Variants in HMGCLL1 observed in about 807,000 individuals in gnomAD.
The protein encoded by HMGCLL1 is 3-hydroxymethyl-3-methylglutaryl-CoA lyase, cytoplasmic.
In HMGCLL1, 36 loss-of-function variants were observed where a neutral mutation model predicts 39.1. The ratio of observed to expected loss-of-function variants is 0.92; its 90% confidence interval spans 0.71 to 1.22. The LOEUF is 1.22. Ranked by LOEUF, HMGCLL1 falls within the 50% of genes most tolerant of loss-of-function variation. The pLI is 0.00. For missense variants in HMGCLL1, 451 were observed against 416.5 expected (o/e 1.08, Z -0.72); for synonymous variants, 149 against 144.0 (o/e 1.03, Z -0.25).
At chr6:55,563,922 G>A in intron 1 of HMGCLL1, 1 of 1,254,018 alleles carries the variant, frequency 8.0e-7, no homozygotes, top group South Asian at 1.2e-5. Context: ...CTCCTTTGGA[G>A]AGGAGGAATG....
chr6:55,609,647 G>A, the HMGCLL1 span, among the ~76,000 whole-genome samples: 1 of 152,224 alleles, frequency 6.6e-6, no homozygotes, highest in South Asian at 2.1e-4. Flanking sequence ...TTCCCCCCAG[G>A]GCAGCACAAC....
At chr6:55,477,241 TTATATAATATATAA>T (rs1765394106) in intron 7 of HMGCLL1, among the ~76,000 whole-genome samples, 1 of 18,288 alleles carries the variant, frequency 5.5e-5, no homozygotes, top group Non-Finnish European at 7.5e-5. Context: ...TATATTATAT[TTATATAATATATAA>T]TATATATTAT....
intron 7 of HMGCLL1, among the ~76,000 whole-genome samples, chr6:55,477,579 T>C (rs901057451): frequency 4.4e-5 from 6 of 136,344 alleles, no homozygotes; most frequent in African/African-American, 1.7e-4. Flanking sequence ...AAAAATTGAA[T>C]AGTAAAAAGT....
chr6:55,492,621 A>T (rs9475317), intron 7 of HMGCLL1, among the ~76,000 whole-genome samples: 2,179 of 152,350 alleles, frequency 0.014, 46 homozygotes, highest in African/African-American at 0.047. Context: ...CGGAAAAGAC[A>T]GAAAGCTCTA....
At chr6:55,586,431 C>T in the HMGCLL1 span, among the ~76,000 whole-genome samples, 2 of 151,548 alleles carry the variant, frequency 1.3e-5, no homozygotes, top group Non-Finnish European at 2.9e-5. Context: ...TTTTAAGGTA[C>T]ATGTGCACAA....
chr6:55,540,898 C>G (rs1181234303), intron 3 of HMGCLL1, among the ~76,000 whole-genome samples: 1 of 152,058 alleles, frequency 6.6e-6, no homozygotes, highest in East Asian at 1.9e-4. Flanking sequence ...AAAACAGAAT[C>G]TTAGGGGAAC....
At chr6:55,471,348 T>G (rs1323469517) in intron 7 of HMGCLL1, among the ~76,000 whole-genome samples, 2 of 151,762 alleles carry the variant, frequency 1.3e-5, no homozygotes, top group Non-Finnish European at 2.9e-5. Context: ...TGTTTCAGTT[T>G]TTATCATTAT....
At chr6:55,634,854 A>G in the HMGCLL1 span, among the ~76,000 whole-genome samples, 1 of 152,136 alleles carries the variant, frequency 6.6e-6, no homozygotes, top group African/African-American at 2.4e-5. Flanking sequence ...ACACTGCTTA[A>G]TGTGAGGATG....
intron 5 of HMGCLL1, among the ~76,000 whole-genome samples, chr6:55,502,034 T>G (rs1054275963): frequency 3.3e-5 from 5 of 151,856 alleles, no homozygotes; most frequent in African/African-American, 1.2e-4. Flanking sequence ...TATTCCTTAT[T>G]TCTGGTTCAA....
At chr6:55,535,663 A>G (rs566495497) in intron 3 of HMGCLL1, among the ~76,000 whole-genome samples, 10 of 152,286 alleles carry the variant, frequency 6.6e-5, no homozygotes, top group African/African-American at 2.2e-4. Flanking sequence ...AAGGACTCCT[A>G]TAGCACCAGG....
the HMGCLL1 span, among the ~76,000 whole-genome samples, chr6:55,668,979 C>T: frequency 6.6e-6 from 1 of 151,436 alleles, no homozygotes; most frequent in Non-Finnish European, 1.5e-5. Context: ...TTCTTTTTTC[C>T]TCTTCTCCCT....
chr6:55,531,742 C>T (rs1375695097), intron 3 of HMGCLL1, among the ~76,000 whole-genome samples: 6 of 152,094 alleles, frequency 3.9e-5, no homozygotes, highest in African/African-American at 1.2e-4. Context: ...CTGAGATCCA[C>T]CTCCGGTCAG....
intron 7 of HMGCLL1, among the ~76,000 whole-genome samples, chr6:55,491,055 T>A (rs1766285481): frequency 6.6e-6 from 1 of 152,152 alleles, no homozygotes; most frequent in South Asian, 2.1e-4. Context: ...TATCAAGGCA[T>A]CATTCTAGAA....
rs191593919 is a variant in HMGCLL1, at chr6:55,502,974, G to A, written c.543-3675C>T. The stretch of plus-strand genomic sequence containing the variant: ...AGATTGTTCTGTTACCTTCTGTTCT[G>A]CTAAAGTTTTTTTCGTTGTCTCCTG... On this transcript the variant is annotated intron_variant, in intron 5 of 8. Coordinates refer to ENST00000274901, the MANE Select transcript of HMGCLL1 (RefSeq NM_001042406.2). Among the ~76,000 whole-genome samples, 88 of 11,574 alleles carry A rather than the reference G, an allele frequency of 7.6e-3. 1 individual carries two copies. In the East Asian group the frequency reaches 0.23, roughly 30 times the overall value. 7.6% of individuals were successfully genotyped at this position (11,574 alleles called of 152,430 possible).
chr6:55,542,734 G>C (rs541876134), intron 1 of HMGCLL1, among the ~76,000 whole-genome samples: 2 of 149,270 alleles, frequency 1.3e-5, no homozygotes. Context: ...AGCTGAGATC[G>C]TGCCATTGCA....
chr6:55,620,939 G>A, the HMGCLL1 span, among the ~76,000 whole-genome samples: 1 of 151,840 alleles, frequency 6.6e-6, no homozygotes, highest in African/African-American at 2.4e-5. Flanking sequence ...CTATAGATGT[G>A]TAAGTTTATC....
chr6:55,460,964 A>G (rs1286982547), intron 7 of HMGCLL1, among the ~76,000 whole-genome samples: 2 of 152,034 alleles, frequency 1.3e-5, no homozygotes, highest in African/African-American at 4.8e-5. Flanking sequence ...CATATAAAAT[A>G]TAAGACACAA....
chr6:55,623,594 CA>C, the HMGCLL1 span, among the ~76,000 whole-genome samples: 4 of 151,152 alleles, frequency 2.6e-5, no homozygotes, highest in Admixed American at 2.6e-4. Flanking sequence ...CCCAGATATA[CA>C]GAGCAAATAC....
the HMGCLL1 span, among the ~76,000 whole-genome samples, chr6:55,608,018 A>C: frequency 6.6e-6 from 1 of 152,188 alleles, no homozygotes; most frequent in African/African-American, 2.4e-5. Flanking sequence ...AATGCAGCTA[A>C]TTCCAGTCCT....
Sources: gnomAD v4.1 joint callset for allele counts (sites outside exome capture counted in the v4.1 genomes callset) on GRCh38, gnomAD v4.1.1 for gene constraint, MANE v1.5 for transcripts, NCBI Gene and HGNC (gene_info 2026-07-23, HGNC 2026-07-21) for gene names.